GMEB2: variants seen among roughly 807,000 people sequenced by gnomAD.
GMEB2 encodes glucocorticoid modulatory element-binding protein 2.
GMEB2 carries 7 observed loss-of-function variants against 45.7 expected under a neutral mutation model. The ratio of observed to expected loss-of-function variants is 0.15; its 90% confidence interval spans 0.09 to 0.29. The LOEUF (loss-of-function observed/expected upper bound fraction) is 0.29. Ranked by LOEUF, GMEB2 falls within the 10% of genes least tolerant of loss-of-function variation. The pLI is 1.00. For missense variants in GMEB2, 582 were observed against 739.2 expected (o/e 0.79, Z 2.47); for synonymous variants, 322 against 323.6 (o/e 1.00, Z 0.05).
In GMEB2 at chr20:63,590,010, C is replaced by T. The variant is rs2083129687; in HGVS notation, c.*79G>A. 4.6e-6 allele frequency: 6 copies of T among 1,307,318 alleles called. No homozygotes were observed. The highest frequency in any genetic ancestry group is 2.7e-5 in the Admixed American group (1 of 37,138). The allele number at this position is 1,307,318 out of a possible 1,614,324, so 81.0% of individuals were successfully genotyped here. On this transcript the variant is annotated 3_prime_UTR_variant, in exon 10 of 10. Transcript: ENST00000370077. ...GACCCACCTGCCCGAGCCAGCCCTGCGGCCTCTGCCCGCTCCCTGCTGCCG... is the reference window on the plus strand; with the variant it reads ...GACCCACCTGCCCGAGCCAGCCCTGTGGCCTCTGCCCGCTCCCTGCTGCCG...
At chr20:63,595,542 G>T in intron 6 of GMEB2, 68 bp downstream of exon 6, 1 of 1,429,614 alleles carries the variant, frequency 7.0e-7, no homozygotes, top group African/African-American at 1.4e-5. Flanking sequence ...GCCACCCAGG[G>T]GCATGTCACC....
Position 63,592,294 on chromosome 20 carries a change from C to T in GMEB2, c.830-150G>A, listed in dbSNP as rs1275715363. The T allele has an allele frequency of 5.2e-6, 4 of 767,114 alleles. No homozygotes were observed. Among genetic ancestry groups the T allele is most frequent in the Non-Finnish European group, 6.2e-6 (3 of 481,884 alleles). The allele number at this position is 767,114 out of a possible 1,614,324, so 47.5% of individuals were successfully genotyped here. On this transcript the variant is annotated intron_variant, in intron 8 of 9. Transcript: ENST00000370077. This position sits in a 1 kb window ranked among gnomAD's most constrained non-coding sequence, Gnocchi z 8.2. ...TTCCTAGAGAGTGAGAACACCACCA[C>T]TGAGGCTGCTCCTCAGGAACCCAGC...
intron 2 of GMEB2, among the ~76,000 whole-genome samples, chr20:63,617,372 G>A (rs1034154859): frequency 1.2e-4 from 18 of 152,216 alleles, no homozygotes. Context: ...CTGCAAGGTA[G>A]AAAGCGAGTC....
At chr20:63,598,396 A>C (rs563912805) in intron 4 of GMEB2, among the ~76,000 whole-genome samples, 2 of 151,314 alleles carry the variant, frequency 1.3e-5, no homozygotes, top group African/African-American at 4.8e-5. Flanking sequence ...AAGCCAGGGG[A>C]ACCCTCCTGC....
chr20:63,620,894 G>C (rs2089639142), intron 1 of GMEB2, among the ~76,000 whole-genome samples: 1 of 152,182 alleles, frequency 6.6e-6, no homozygotes, highest in Non-Finnish European at 1.5e-5. Flanking sequence ...AAATACACAA[G>C]AGAAGCTGGC....
rs1395529574 is a variant in GMEB2 at position 63,590,607 on chromosome 20, G to A, written c.1075C>T (p.Pro359Ser). 1.3e-6 allele frequency: 2 copies of A among 1,592,070 alleles called. No homozygotes were observed. Among genetic ancestry groups the A allele is most frequent in the South Asian group, 2.3e-5 (2 of 88,244 alleles). The change falls in exon 10 of 10, where the codon CCC becomes TCC. Residue 359 changes from proline to serine, a missense_variant. By Grantham distance (74) the Pro-to-Ser change is moderately conservative. Transcript: ENST00000370077. ...PVSLPPPVKRPRLARATSGPA... is the reference protein window; with the variant it reads ...PVSLPPPVKRSRLARATSGPA... ...CCTGATGTGGCACGTGCAAGCCGGG[G>A]CCGCTTCACAGGCGGTGGCAGGGAG...
chr20:63,613,090 T>A (rs6062976), intron 2 of GMEB2, among the ~76,000 whole-genome samples: 1 of 151,682 alleles, frequency 6.6e-6, no homozygotes, highest in Non-Finnish European at 1.5e-5. Context: ...GCCTCCTGAG[T>A]AACTGGGACT....
chr20:63,613,995 G>C lies in GMEB2; in HGVS notation c.131+5272C>G, dbSNP rs568531930. Among the ~76,000 whole-genome samples, 3 of 152,162 alleles carry C rather than the reference G, an allele frequency of 2.0e-5. No individual in the cohort carries two copies. In the East Asian group the frequency reaches 5.8e-4, roughly 29 times the overall value. On this transcript the variant is annotated intron_variant, in intron 2 of 9. Transcript: ENST00000370077. ...AGTGCAGAGCAGGGCAGGGTAAAGA[G>C]ACCCCCTAGGATGTGAAGGCCGCCC...
intron 4 of GMEB2, among the ~76,000 whole-genome samples, chr20:63,601,634 A>G (rs919207704): frequency 6.6e-6 from 1 of 151,856 alleles, no homozygotes; most frequent in African/African-American, 2.4e-5. Context: ...TCGGCCTCCC[A>G]AAGTGTCAGG....
intron 2 of GMEB2, among the ~76,000 whole-genome samples, chr20:63,618,992 C>T (rs1025045914): frequency 6.6e-6 from 1 of 152,252 alleles, no homozygotes; most frequent in African/African-American, 2.4e-5. Context: ...CTACCACTCC[C>T]TCTCACATGA....
intron 1 of GMEB2, among the ~76,000 whole-genome samples, chr20:63,623,647 A>T (rs2089652754): frequency 1.3e-5 from 2 of 148,878 alleles, no homozygotes; most frequent in African/African-American, 2.5e-5. Context: ...AAAATACAAA[A>T]ATTAGCCGGG....
chr20:63,598,956 C>T (rs1455108796), intron 4 of GMEB2, among the ~76,000 whole-genome samples: 1 of 152,100 alleles, frequency 6.6e-6, no homozygotes, highest in Non-Finnish European at 1.5e-5. Flanking sequence ...CCCTGCCCCT[C>T]CTAGGCCTGC....
At chr20:63,597,562 G>C (rs1194348581) in intron 5 of GMEB2, among the ~76,000 whole-genome samples, 195 bp downstream of exon 5, 1 of 152,234 alleles carries the variant, frequency 6.6e-6, no homozygotes, top group Non-Finnish European at 1.5e-5. Context: ...AAATCTGATA[G>C]TGTCCCTGTT....
Position 63,590,010 on chromosome 20 carries a change from C to A in GMEB2, c.*79G>T. 7.6e-7 allele frequency: 1 copy of A among 1,307,326 alleles called. No individual in the cohort carries two copies. Among genetic ancestry groups the A allele is most frequent in the East Asian group, 2.5e-5 (1 of 39,394 alleles). 81.0% of individuals were successfully genotyped at this position (1,307,326 alleles called of 1,614,324 possible). A position where few individuals can be genotyped will look rare whatever the true frequency, so the allele number is the denominator to read the frequency against. On this transcript the variant is annotated 3_prime_UTR_variant, in exon 10 of 10. Coordinates refer to ENST00000370077, the MANE Select transcript of GMEB2 (RefSeq NM_012384.5). The stretch of plus-strand genomic sequence containing the variant: ...GACCCACCTGCCCGAGCCAGCCCTG[C>A]GGCCTCTGCCCGCTCCCTGCTGCCG...
Position 63,602,997 on chromosome 20 carries a change from C to T in GMEB2, c.325G>A (p.Val109Met). The T allele has an allele frequency of 1.9e-6, 3 of 1,614,164 alleles. No individual in the cohort carries two copies. Among genetic ancestry groups the T allele is most frequent in the Non-Finnish European group, 2.5e-6 (3 of 1,180,012 alleles). ...CATTTCACATTGATGCCGGGACACA[C>T]AAACTTCCTCCAGATGAGGTTGGCT... ...SRANLIWRKF[V>M]CPGINVKCVQ... The change falls in exon 4 of 10, where the codon GTG becomes ATG. Residue 109 changes from valine to methionine, a missense_variant. Physicochemically the swap from Val to Met is conservative, Grantham distance 21. Coordinates refer to ENST00000370077, the MANE Select transcript of GMEB2 (RefSeq NM_012384.5).
At chr20:63,625,986 G>C (rs1170906073) in intron 1 of GMEB2, among the ~76,000 whole-genome samples, 1 of 152,242 alleles carries the variant, frequency 6.6e-6, no homozygotes, top group African/African-American at 2.4e-5. Flanking sequence ...AGCAAAGAAA[G>C]AGAATTCTGG....
At position 63,593,458 on chromosome 20, in the gene GMEB2, G is replaced by A. The variant is rs969049598; in HGVS notation, c.620-376C>T. Among the ~76,000 whole-genome samples the A allele has an allele frequency of 5.9e-5, 9 of 151,916 alleles. No individual in the cohort carries two copies. The highest frequency in any genetic ancestry group is 1.0e-4 in the Non-Finnish European group (7 of 68,010). On this transcript the variant is annotated intron_variant, in intron 6 of 9. Transcript: ENST00000370077. The surrounding 1 kb of genome is among the most constrained non-coding windows in gnomAD (Gnocchi z 4.7). ...CTTCTGCTTGACTTGTTTTCCCACC[G>A]AGAGCTCTGCGGCTGCGTCTGTCGC...
Position 63,597,949 on chromosome 20 carries a change from C to T in GMEB2, c.358-89G>A, listed in dbSNP as rs139772842. 1.2e-3 allele frequency: 969 copies of T among 792,190 alleles called. 3 individuals are homozygous for T. Among genetic ancestry groups the T allele is most frequent in the Non-Finnish European group, 1.8e-3 (770 of 439,234 alleles). 49.1% of individuals were successfully genotyped at this position (792,190 alleles called of 1,614,324 possible). A position where few individuals can be genotyped will look rare whatever the true frequency, so the allele number is the denominator to read the frequency against. ...CCCATCCGACCCTGAGTCAGGCGCG[C>T]AAGGCAGGAAAAGCGCCACGGCACG... On this transcript the variant is annotated intron_variant, in intron 4 of 9. Coordinates refer to ENST00000370077, the MANE Select transcript of GMEB2 (RefSeq NM_012384.5).
chr20:63,619,183 C>A lies in GMEB2; in HGVS notation c.131+84G>T. 1 of 1,309,514 alleles carries A rather than the reference C, an allele frequency of 7.6e-7. No homozygotes were observed. The highest frequency in any genetic ancestry group is 1.0e-6 in the Non-Finnish European group (1 of 972,818). 81.1% of individuals were successfully genotyped at this position (1,309,514 alleles called of 1,614,324 possible). On this transcript the variant is annotated intron_variant, in intron 2 of 9. Transcript: ENST00000370077. This position sits in a 1 kb window ranked among gnomAD's most constrained non-coding sequence, Gnocchi z 4.6. ...AACTAGAAAAATCCTGACACTTGTC[C>A]CTTACTACGTTAATGCCAGCTGTGC... is the stretch of plus-strand genomic sequence containing the variant.
Sources: gnomAD v4.1 joint callset for allele counts (sites outside exome capture counted in the v4.1 genomes callset) on GRCh38, gnomAD v4.1.1 for gene constraint, Gnocchi (gnomAD v3.1) non-coding constraint, MANE v1.5 for transcripts, NCBI Gene and HGNC (gene_info 2026-07-23, HGNC 2026-07-21) for gene names.